The following MGA variants were observed in gnomAD, a reference collection of about 807,000 sequenced individuals.
MGA encodes MAX dimerization protein MGA.
Under a neutral mutation model 261.1 loss-of-function variants are expected in MGA, and 40 were observed. The ratio of observed to expected loss-of-function variants is 0.15; its 90% CI spans 0.12 to 0.20. MGA has a LOEUF of 0.20. Ranked by LOEUF, MGA falls within the 10% of genes least tolerant of loss-of-function variation. MGA has a pLI of 1.00. For missense variants in MGA, 3,397 were observed against 3,630.5 expected, an observed-to-expected ratio of 0.94 and a Z score of 1.65; for synonymous variants, 1,302 against 1,290.6, an observed-to-expected ratio of 1.01 and a Z score of -0.19.
upstream of MGA, among the ~76,000 whole-genome samples, chr15:41,655,739 C>G (rs7177495): frequency 0.15 from 22,827 of 152,170 alleles, 2,615 homozygotes; most frequent in East Asian, 0.68. Flanking sequence ...CAACATTTAT[C>G]TATTCCCCTA....
In MGA at chr15:41,754,745, G is replaced by A. The variant is rs184908177; in HGVS notation, c.7139+178G>A. Among the ~76,000 whole-genome samples, 31 of 152,262 alleles carry A rather than the reference G, an allele frequency of 2.0e-4. No homozygotes were observed. The East Asian group carries it at 3.7e-3, about 18-fold the overall frequency. ...TTTGGGTAATTAATTTTCTTTGGTC[G>A]TTGGTAGGAGGCAGTGTGTAAATGT... On this transcript the variant is annotated intron_variant, in intron 18 of 23. Coordinates refer to ENST00000219905, the MANE Select transcript of MGA (RefSeq NM_001164273.2).
intron 1 of MGA, among the ~76,000 whole-genome samples, chr15:41,648,222 A>G (rs2056972665): frequency 6.6e-6 from 1 of 152,266 alleles, no homozygotes; most frequent in Non-Finnish European, 1.5e-5. Context: ...ACTCTATAGC[A>G]TAGTCATTAA....
At chr15:41,692,422 TTC>T in intron 2 of MGA, among the ~76,000 whole-genome samples, 1 of 152,152 alleles carries the variant, frequency 6.6e-6, no homozygotes. Context: ...AAAAGTTGGT[TTC>T]TCTGTGTTTT....
At chr15:41,662,824 T>C (rs202122847) in intron 1 of MGA, among the ~76,000 whole-genome samples, 2 of 111,572 alleles carry the variant, frequency 1.8e-5, no homozygotes, top group African/African-American at 5.7e-5. Context: ...TATTAAGGAA[T>C]ATACTAACAT....
intron 13 of MGA, among the ~76,000 whole-genome samples, chr15:41,737,605 T>C (rs2061856393): frequency 6.6e-6 from 1 of 152,220 alleles, no homozygotes; most frequent in Admixed American, 6.5e-5. Flanking sequence ...TACTTAGTAA[T>C]TCACGCAGGT....
intron 1 of MGA, among the ~76,000 whole-genome samples, chr15:41,623,443 C>G (rs139358979): frequency 0.013 from 2,031 of 152,198 alleles, 53 homozygotes; most frequent in African/African-American, 0.046. Flanking sequence ...GGGATTTCTA[C>G]CTTAAAATTT....
chr15:41,703,682 C>G (rs1410792898), intron 5 of MGA, among the ~76,000 whole-genome samples: 1 of 152,090 alleles, frequency 6.6e-6, no homozygotes, highest in African/African-American at 2.4e-5. Context: ...ATGGAGGTTG[C>G]AGTGAGTGGA....
chr15:41,639,688 G>T (rs1373203229), intron 1 of MGA, among the ~76,000 whole-genome samples: 1 of 152,014 alleles, frequency 6.6e-6, no homozygotes, highest in African/African-American at 2.4e-5. Flanking sequence ...GGGACTACAG[G>T]CACCTGCCAC....
chr15:41,671,637 C>T (rs1184016259), intron 2 of MGA, among the ~76,000 whole-genome samples: 1 of 152,114 alleles, frequency 6.6e-6, no homozygotes, highest in Non-Finnish European at 1.5e-5. Flanking sequence ...CCTGAACTTG[C>T]CTTATTTTGA....
intron 9 of MGA, among the ~76,000 whole-genome samples, chr15:41,716,613 A>T (rs1426348801): frequency 6.6e-6 from 1 of 151,922 alleles, no homozygotes; most frequent in Non-Finnish European, 1.5e-5. Context: ...ATCCTTTAGT[A>T]TGTTTTGCAA....
Position 41,674,652 on chromosome 15 carries a change from T to TG in MGA, c.1064+4697dup, listed in dbSNP as rs537745064. Among the ~76,000 whole-genome samples the TG allele has an allele frequency of 3.6e-3, 552 of 152,282 alleles. 3 individuals carry two copies. The highest frequency in any genetic ancestry group is 0.013 in the African/African-American group (532 of 41,552). On this transcript the variant is annotated intron_variant, in intron 2 of 23. Coordinates refer to ENST00000219905, the MANE Select transcript of MGA (RefSeq NM_001164273.2). Reference sequence around the variant, plus strand: ...CTCCTGCCTCAGCCTCCTGAGTAGTTGGGACTATAGACGCATGCCACCACA... The same window carrying TG: ...CTCCTGCCTCAGCCTCCTGAGTAGTTGGGGACTATAGACGCATGCCACCACA...
At position 41,767,452 on chromosome 15, in the gene MGA, T is replaced by C. The variant is rs2063857162; in HGVS notation, c.*172T>C. 1.5e-6 allele frequency: 1 copy of C among 658,468 alleles called. No individual in the cohort carries two copies. Among genetic ancestry groups the C allele is most frequent in the Non-Finnish European group, 2.6e-6 (1 of 391,112 alleles). 40.8% of individuals were successfully genotyped at this position (658,468 alleles called of 1,614,324 possible). A position where few individuals can be genotyped will look rare whatever the true frequency, so the allele number is the denominator to read the frequency against. On this transcript the variant is annotated 3_prime_UTR_variant, in exon 24 of 24. Transcript: ENST00000219905. Reference sequence around the variant, plus strand: ...GTGCTGACCCTGGTATAAGAAGTACTCTGAAATTCTGATCATGTTAAAATG... The same window carrying C: ...GTGCTGACCCTGGTATAAGAAGTACCCTGAAATTCTGATCATGTTAAAATG...
rs1412713781 is a variant in MGA, at chr15:41,769,608, T to C, written c.*2328T>C. 6.6e-6 allele frequency: 1 copy of C among 152,550 alleles called. No homozygotes were observed. The highest frequency in any genetic ancestry group is 2.4e-5 in the African/African-American group (1 of 41,410). 9.4% of individuals were successfully genotyped at this position (152,550 alleles called of 1,614,324 possible). A position where few individuals can be genotyped will look rare whatever the true frequency, so the allele number is the denominator to read the frequency against. On this transcript the variant is annotated 3_prime_UTR_variant, in exon 24 of 24. Coordinates refer to ENST00000219905, the MANE Select transcript of MGA (RefSeq NM_001164273.2). ...TTAACCTTACCCTAGGGGGAACTGA[T>C]CTATGAATATTACATGTGTGATTAT...
At chr15:41,720,135 A>C (rs749997252) in intron 9 of MGA, among the ~76,000 whole-genome samples, 3 of 152,218 alleles carry the variant, frequency 2.0e-5, no homozygotes, top group Non-Finnish European at 4.4e-5. Flanking sequence ...CTTGAAGAAC[A>C]GTGGCAGAAT....
chr15:41,749,116 G>A lies in MGA; in HGVS notation c.5509G>A (p.Val1837Met), dbSNP rs1405370578. The change falls in exon 17 of 24, where the codon GTG (valine) becomes ATG (methionine). Residue 1837 changes from valine (V) to methionine (M), a missense_variant. By Grantham distance (21) the Val-to-Met change is conservative. Coordinates refer to ENST00000219905, the MANE Select transcript of MGA (RefSeq NM_001164273.2). ...TCTCTTATTTTTTAAACCAGGGTCT[G>A]TGATGGGAATCCGGTTACCTGCTCC... 1.9e-6 allele frequency: 3 copies of A among 1,609,518 alleles called. No individual in the cohort carries two copies. The highest frequency in any genetic ancestry group is 1.7e-5 in the Admixed American group (1 of 59,584).
chr15:41,678,237 C>T (rs2058488009), intron 2 of MGA, among the ~76,000 whole-genome samples: 1 of 151,512 alleles, frequency 6.6e-6, no homozygotes, highest in South Asian at 2.1e-4. Flanking sequence ...ATTACAGGCG[C>T]TGGCCACCAT....
intron 3 of MGA, 118 bp from the exon 4 acceptor site, chr15:41,698,745 G>GT (rs1317632291): frequency 1.4e-6 from 1 of 697,582 alleles, no homozygotes; most frequent in Admixed American, 3.1e-5. Flanking sequence ...CAATGTTAGC[G>GT]TAACTGTAGG....
At chr15:41,705,508 C>T (rs76054477) in intron 5 of MGA, among the ~76,000 whole-genome samples, 2,043 of 152,182 alleles carry the variant, frequency 0.013, 50 homozygotes, top group African/African-American at 0.046. Context: ...ATCACAGGCA[C>T]GTGCCATTAC....
chr15:41,703,703 C>A (rs963752824), intron 5 of MGA, among the ~76,000 whole-genome samples: 3 of 152,124 alleles, frequency 2.0e-5, no homozygotes, highest in Non-Finnish European at 4.4e-5. Flanking sequence ...GATCCTGCCA[C>A]TGCACTCCAG....
Sources: gnomAD v4.1 joint callset for allele counts (sites outside exome capture counted in the v4.1 genomes callset) on GRCh38, gnomAD v4.1.1 for gene constraint, MANE v1.5 for transcripts, NCBI Gene and HGNC (gene_info 2026-07-23, HGNC 2026-07-21) for gene names.